The following IGSF10 variants were observed in gnomAD, a reference collection of about 807,000 sequenced individuals.
IGSF10 encodes the protein immunoglobulin superfamily member 10, also known as calvaria mechanical force protein 608.
Under a neutral mutation model 128.2 loss-of-function variants are expected in IGSF10, and 126 were observed. The observed-to-expected ratio is 0.98, with a 90% CI of 0.85 to 1.14. IGSF10 has a LOEUF of 1.14. IGSF10 is among the 50% of genes most tolerant of loss of function. The probability of loss-of-function intolerance (pLI) is 0.00; values close to 1 mark genes in which losing one functional copy is unlikely to be tolerated. For missense variants in IGSF10, 3,295 were observed against 3,149.8 expected (o/e 1.05, Z -1.10); for synonymous variants, 1,185 against 1,146.2 (o/e 1.03, Z -0.68).
the IGSF10 span, among the ~76,000 whole-genome samples, chr3:151,489,880 T>C: frequency 6.6e-6 from 1 of 151,994 alleles, no homozygotes; most frequent in Admixed American, 6.6e-5. Context: ...AGATGATGGG[T>C]TGATGGGTGC....
the IGSF10 span, among the ~76,000 whole-genome samples, chr3:151,519,262 C>G: frequency 6.6e-6 from 1 of 151,736 alleles, no homozygotes; most frequent in Non-Finnish European, 1.5e-5. Context: ...TTCAGCCACC[C>G]AGAGGCACAT....
At chr3:151,550,874 C>T in the IGSF10 span, among the ~76,000 whole-genome samples, 21 of 152,236 alleles carry the variant, frequency 1.4e-4, no homozygotes, top group Non-Finnish European at 1.9e-4. Context: ...ATCTGGCCTA[C>T]GCTCCTGCCT....
chr3:151,590,869 G>A, the IGSF10 span, among the ~76,000 whole-genome samples: 1 of 152,192 alleles, frequency 6.6e-6, no homozygotes, highest in Non-Finnish European at 1.5e-5. Flanking sequence ...GGTAAATTTA[G>A]ATTTGGGTGC....
At chr3:151,524,171 A>G in the IGSF10 span, among the ~76,000 whole-genome samples, 1 of 152,180 alleles carries the variant, frequency 6.6e-6, no homozygotes, top group African/African-American at 2.4e-5. Context: ...ACACTTACAC[A>G]CTGTGGGTGA....
the IGSF10 span, among the ~76,000 whole-genome samples, chr3:151,569,530 C>T: frequency 1.3e-5 from 2 of 152,090 alleles, no homozygotes; most frequent in Non-Finnish European, 1.5e-5. Context: ...CTGAGATAAT[C>T]TGTCACACCA....
In IGSF10 at chr3:151,446,463, CTT is replaced by C; in HGVS notation, c.3516_3517del (p.Asp1174PhefsTer38). 6.2e-7 allele frequency: 1 copy of C among 1,614,142 alleles called. No individual in the cohort carries two copies. Among genetic ancestry groups the C allele is most frequent in the African/African-American group, 1.3e-5 (1 of 75,050 alleles). ...AAGTGACGATGTAATCACTGAATCT[CTT>C]TTAGCTTCATTGGTGCTAGACACAC... is the stretch of plus-strand genomic sequence containing the variant. On this transcript the variant is annotated frameshift_variant, in exon 6 of 8. Transcript: ENST00000282466. LOFTEE classifies it high-confidence loss of function.
chr3:151,473,711 A>G, the IGSF10 span, among the ~76,000 whole-genome samples: 2 of 152,106 alleles, frequency 1.3e-5, no homozygotes, highest in African/African-American at 4.8e-5. Context: ...CCTCTGCTCA[A>G]ATGTAACTAG....
the IGSF10 span, among the ~76,000 whole-genome samples, chr3:151,523,705 T>C: frequency 6.6e-6 from 1 of 152,124 alleles, no homozygotes; most frequent in Non-Finnish European, 1.5e-5. Context: ...ATGAATACTT[T>C]GGGAGACAAC....
At chr3:151,497,928 C>T in the IGSF10 span, among the ~76,000 whole-genome samples, 10 of 152,076 alleles carry the variant, frequency 6.6e-5, no homozygotes, top group Non-Finnish European at 1.0e-4. Flanking sequence ...TATTTTATTC[C>T]CTTTGAAGCA....
chr3:151,476,843 G>C, the IGSF10 span, among the ~76,000 whole-genome samples: 8 of 152,302 alleles, frequency 5.3e-5, no homozygotes, highest in East Asian at 7.7e-4. Flanking sequence ...CAGAACCAGA[G>C]CTGTCAGCAC....
At chr3:151,485,549 TAGAA>T in the IGSF10 span, among the ~76,000 whole-genome samples, 2 of 152,032 alleles carry the variant, frequency 1.3e-5, no homozygotes, top group African/African-American at 2.4e-5. Context: ...GGCAGCAAGA[TAGAA>T]AGATTGGGTT....
chr3:151,486,972 A>G, the IGSF10 span, among the ~76,000 whole-genome samples: 1 of 152,110 alleles, frequency 6.6e-6, no homozygotes, highest in African/African-American at 2.4e-5. Flanking sequence ...GAAGACAAGA[A>G]ATAACTAAGA....
the IGSF10 span, among the ~76,000 whole-genome samples, chr3:151,569,975 C>A: frequency 6.7e-6 from 1 of 148,334 alleles, no homozygotes. Context: ...TGAGTGAGAA[C>A]ATGTGGTGTT....
At chr3:151,557,708 C>CT in the IGSF10 span, among the ~76,000 whole-genome samples, 2 of 151,768 alleles carry the variant, frequency 1.3e-5, no homozygotes, top group Non-Finnish European at 2.9e-5. Context: ...AGAAGAGATT[C>CT]TGCTTCTAAT....
the IGSF10 span, among the ~76,000 whole-genome samples, chr3:151,496,158 T>A: frequency 6.6e-6 from 1 of 152,138 alleles, no homozygotes; most frequent in African/African-American, 2.4e-5. Context: ...GCAAAGTAGG[T>A]CTCATTTGAA....
At chr3:151,580,312 T>G in the IGSF10 span, among the ~76,000 whole-genome samples, 473 of 152,188 alleles carry the variant, frequency 3.1e-3, 1 homozygote, top group African/African-American at 0.011. Flanking sequence ...TCAGCCAACT[T>G]TCACTATAAG....
chr3:151,509,154 C>T, the IGSF10 span, among the ~76,000 whole-genome samples: 2 of 152,172 alleles, frequency 1.3e-5, no homozygotes, highest in South Asian at 4.1e-4. Context: ...ATCATTTGGA[C>T]TGGGTAAGAA....
the IGSF10 span, among the ~76,000 whole-genome samples, chr3:151,586,669 C>T: frequency 6.6e-6 from 1 of 152,162 alleles, no homozygotes; most frequent in Non-Finnish European, 1.5e-5. Context: ...TTTGTAACTG[C>T]TCCGGATGCC....
chr3:151,497,653 A>T, the IGSF10 span, among the ~76,000 whole-genome samples: 2 of 152,132 alleles, frequency 1.3e-5, no homozygotes, highest in Non-Finnish European at 2.9e-5. Context: ...TGACTTGGTG[A>T]TGTGGGTTCT....
Sources: gnomAD v4.1 joint callset for allele counts (sites outside exome capture counted in the v4.1 genomes callset) on GRCh38, gnomAD v4.1.1 for gene constraint, MANE v1.5 for transcripts, NCBI Gene and HGNC (gene_info 2026-07-23, HGNC 2026-07-21) for gene names.